The following OOSP1 variants were observed in gnomAD, a reference collection of about 807,000 sequenced individuals.
OOSP1 encodes putative oocyte-secreted protein 1 homolog.
In OOSP1, 11 loss-of-function variants were observed where a neutral mutation model predicts 5.7. The ratio of observed to expected loss-of-function variants is 1.94; its 90% CI spans 1.22 to 3.20. The LOEUF (loss-of-function observed/expected upper bound fraction) is 3.20. OOSP1 is among the 30% of genes most tolerant of loss of function. The pLI, the probability that OOSP1 is intolerant of heterozygous loss-of-function variation, is 0.00. For synonymous variants in OOSP1, 44 were observed against 20.0 expected (o/e 2.20, Z -3.20); for missense variants, 83 against 54.1 (o/e 1.53, Z -1.67).
intron 4 of OOSP1, among the ~76,000 whole-genome samples, chr11:59,954,629 T>TATCTATC (rs1853975343): frequency 6.7e-6 from 1 of 148,230 alleles, no homozygotes; most frequent in Non-Finnish European, 1.5e-5. Context: ...TGAAGGGACT[T>TATCTATC]TATCTATCTA....
intron 4 of OOSP1, among the ~76,000 whole-genome samples, chr11:59,956,401 G>T (rs1346734803): frequency 2.0e-5 from 3 of 152,028 alleles, no homozygotes; most frequent in African/African-American, 7.2e-5. Flanking sequence ...AGAGCCTTAA[G>T]ATAGTCCTGA....
chr11:59,953,054 A>C lies in OOSP1; in HGVS notation c.487-4141A>C, dbSNP rs1853956623. Among the ~76,000 whole-genome samples, 4 of 151,948 alleles carry C rather than the reference A, an allele frequency of 2.6e-5. No individual in the cohort carries two copies. In the South Asian group the frequency reaches 8.3e-4, roughly 31 times the overall value. On this transcript the variant is annotated intron_variant, in intron 4 of 4. Transcript: ENST00000646685. ...TGTCTTTTTCTATTGGTTTATTTTT[A>C]CATTTTTCTGTTTTCATGCTTTAAG...
rs534706174 is a variant in OOSP1 at position 59,946,964 on chromosome 11, T to G, written c.357-769T>G. Among the ~76,000 whole-genome samples the G allele has an allele frequency of 3.4e-3, 514 of 149,694 alleles. 4 individuals carry two copies. Among genetic ancestry groups the G allele is most frequent in the African/African-American group, 0.012 (487 of 39,786 alleles). On this transcript the variant is annotated intron_variant, in intron 3 of 4. Transcript: ENST00000646685. ...CTATCTATCTATCTATCTATCTATC[T>G]ATCTGTCTATCTACTCTGTACCCAC...
chr11:59,942,903 T>C (rs1393232823), exon 2 of OOSP1: 1 of 702,904 alleles, frequency 1.4e-6, no homozygotes, highest in Non-Finnish European at 2.6e-6. Context: ...ACCCACGATA[T>C]TTTACAATTT....
intron 3 of OOSP1, among the ~76,000 whole-genome samples, chr11:59,946,308 A>G (rs1025209235): frequency 6.6e-6 from 1 of 152,158 alleles, no homozygotes; most frequent in African/African-American, 2.4e-5. Flanking sequence ...ATCACCCCCT[A>G]TCAGTGCAAA....
exon 5 of OOSP1, chr11:59,957,308 A>G (rs1377733403): frequency 2.5e-6 from 1 of 397,522 alleles, no homozygotes; most frequent in Non-Finnish European, 4.4e-6. Context: ...ATAGATCTTC[A>G]TCACACCCTG....
chr11:59,947,627 C>T (rs1853899626), intron 3 of OOSP1, 106 bp from the exon 4 acceptor site: 1 of 394,606 alleles, frequency 2.5e-6, no homozygotes. Flanking sequence ...GAAATCAATA[C>T]ATCTACTAAT....
chr11:59,941,384 CTT>C (rs575640589), intron 1 of OOSP1, among the ~76,000 whole-genome samples: 5 of 145,200 alleles, frequency 3.4e-5, no homozygotes, highest in Non-Finnish European at 4.6e-5. Flanking sequence ...CATTTATGTA[CTT>C]TTTTTTTTTT....
intron 2 of OOSP1, 121 bp from the exon 3 acceptor site, chr11:59,945,048 G>A (rs1001998920): frequency 1.1e-5 from 7 of 634,442 alleles, no homozygotes; most frequent in African/African-American, 1.1e-4. Flanking sequence ...ATTTATAGTT[G>A]AGTGAGAGTG....
intron 1 of OOSP1, among the ~76,000 whole-genome samples, chr11:59,941,921 T>C (rs1264441241): frequency 6.6e-6 from 1 of 152,220 alleles, no homozygotes; most frequent in Non-Finnish European, 1.5e-5. Context: ...GATAGGTGTG[T>C]AGTAATATCG....
At chr11:59,955,780 A>C (rs1334194963) in intron 4 of OOSP1, among the ~76,000 whole-genome samples, 3 of 151,982 alleles carry the variant, frequency 2.0e-5, no homozygotes, top group African/African-American at 7.2e-5. Context: ...CTACATGCTC[A>C]CACTATCACA....
At position 59,942,610 on chromosome 11, in the gene OOSP1, T is replaced by C. The variant is rs192881860; in HGVS notation, c.77-237T>C. 1.9e-4 allele frequency among the ~76,000 whole-genome samples: 29 copies of C among 152,242 alleles called. No individual in the cohort carries two copies. In the East Asian group the frequency reaches 3.9e-3, roughly 20 times the overall value. On this transcript the variant is annotated intron_variant, in intron 1 of 4. Transcript: ENST00000646685. ...GAAATCTTATTTTGTATTGATTTTTTCCCCCCTATATATAGATTCACTAAA... is the reference window on the plus strand; with the variant it reads ...GAAATCTTATTTTGTATTGATTTTTCCCCCCCTATATATAGATTCACTAAA...
chr11:59,942,590 C>T (rs1259570084), intron 1 of OOSP1, among the ~76,000 whole-genome samples: 1 of 152,014 alleles, frequency 6.6e-6, no homozygotes, highest in East Asian at 1.9e-4. Context: ...TAGATGAAAT[C>T]TTATTTTGTA....
intron 1 of OOSP1, among the ~76,000 whole-genome samples, chr11:59,939,632 T>C (rs1455049420): frequency 6.6e-6 from 1 of 151,430 alleles, no homozygotes; most frequent in African/African-American, 2.4e-5. Context: ...CCCTTTCTAT[T>C]ACTCTTCCCT....
intron 3 of OOSP1, among the ~76,000 whole-genome samples, chr11:59,946,915 ATATC>A (rs10555344): frequency 0.45 from 64,835 of 144,974 alleles, 14,443 homozygotes; most frequent in South Asian, 0.47. Context: ...CTCATCTACC[ATATC>A]TATCTATCTA....
At chr11:59,940,585 A>G (rs545094794) in intron 1 of OOSP1, among the ~76,000 whole-genome samples, 49 of 152,354 alleles carry the variant, frequency 3.2e-4, no homozygotes, top group African/African-American at 1.1e-3. Flanking sequence ...AGTCCAGTGA[A>G]TAAATGCATT....
At chr11:59,946,965 ATC>A (rs1247653031) in intron 3 of OOSP1, among the ~76,000 whole-genome samples, 1 of 143,466 alleles carries the variant, frequency 7.0e-6, no homozygotes, top group Non-Finnish European at 1.5e-5. Flanking sequence ...CTATCTATCT[ATC>A]TGTCTATCTA....
intron 4 of OOSP1, among the ~76,000 whole-genome samples, chr11:59,955,447 A>G (rs1190158497): frequency 1.3e-5 from 2 of 152,192 alleles, no homozygotes; most frequent in Non-Finnish European, 2.9e-5. Flanking sequence ...CAGGGAAAAT[A>G]CAAAATTTAA....
At chr11:59,946,977 ACTC>A (rs1853891616) in intron 3 of OOSP1, among the ~76,000 whole-genome samples, 2 of 148,678 alleles carry the variant, frequency 1.3e-5, no homozygotes, top group South Asian at 2.1e-4. Flanking sequence ...CTGTCTATCT[ACTC>A]TGTACCCACA....
Sources: allele counts gnomAD v4.1 joint callset (sites outside exome capture counted in the v4.1 genomes callset), GRCh38; gene constraint gnomAD v4.1.1; transcripts MANE v1.5; gene names NCBI Gene and HGNC (gene_info 2026-07-23, HGNC 2026-07-21).